PRKG1: variants seen among roughly 807,000 people sequenced by gnomAD.
The protein encoded by PRKG1 is cGMP-dependent protein kinase 1.
In PRKG1, 35 loss-of-function variants were observed where a neutral mutation model predicts 88.1. That is an observed-to-expected ratio of 0.40 (90% CI 0.30 to 0.53). The LOEUF is 0.53. PRKG1 is among the 20% of genes least tolerant of loss of function. PRKG1 has a pLI of 0.59. For missense variants in PRKG1, 540 were observed against 839.8 expected (o/e 0.64, Z 4.41); for synonymous variants, 303 against 292.5 (o/e 1.04, Z -0.37).
rs562197828 is a variant in PRKG1 at position 51,844,680 on chromosome 10, G to C, written c.698+39990G>C. ...TGGTTTACTAACAGCAATAATGAAAGAGCATCAAACTTTGATAAAAATTCT... is the reference window on the plus strand; with the variant it reads ...TGGTTTACTAACAGCAATAATGAAACAGCATCAAACTTTGATAAAAATTCT... On this transcript the variant is annotated intron_variant, in intron 4 of 17. Transcript: ENST00000373980. Among the ~76,000 whole-genome samples the C allele has an allele frequency of 2.6e-5, 4 of 152,268 alleles. No homozygotes were observed. The South Asian group carries it at 8.3e-4, about 32-fold the overall frequency.
chr10:51,565,325 G>A (rs999207907), intron 3 of PRKG1, among the ~76,000 whole-genome samples: 2 of 152,046 alleles, frequency 1.3e-5, no homozygotes, highest in African/African-American at 4.8e-5. Flanking sequence ...GAGCTCTGAT[G>A]AGCATATACC....
intron 2 of PRKG1, among the ~76,000 whole-genome samples, chr10:51,166,405 A>G (rs943013163): frequency 6.6e-6 from 1 of 152,148 alleles, no homozygotes; most frequent in African/African-American, 2.4e-5. Context: ...TTGGTGGTAT[A>G]GCATGTAAAG....
intron 7 of PRKG1, among the ~76,000 whole-genome samples, chr10:52,071,266 A>G (rs1314371105): frequency 2.0e-5 from 3 of 152,104 alleles, no homozygotes; most frequent in Non-Finnish European, 4.4e-5. Context: ...TAGTACCTAA[A>G]AGGTAGATTT....
chr10:52,234,118 G>C (rs1432662916), intron 9 of PRKG1, among the ~76,000 whole-genome samples: 2 of 152,006 alleles, frequency 1.3e-5, no homozygotes, highest in Non-Finnish European at 2.9e-5. Flanking sequence ...CTGTTAGAAG[G>C]AAAACTAACA....
At chr10:51,369,128 TGCCAATAGGA>T (rs2132603782) in intron 2 of PRKG1, among the ~76,000 whole-genome samples, 1 of 152,266 alleles carries the variant, frequency 6.6e-6, no homozygotes, top group Non-Finnish European at 1.5e-5. Flanking sequence ...AATAAATGCC[TGCCAATAGGA>T]GGCGCTCATA....
intron 3 of PRKG1, among the ~76,000 whole-genome samples, chr10:51,735,058 A>G (rs931164286): frequency 3.3e-5 from 5 of 152,200 alleles, no homozygotes; most frequent in African/African-American, 1.2e-4. Context: ...GGTAGGAATT[A>G]TAAAGACAAA....
chr10:51,499,223 T>C (rs56140945), intron 3 of PRKG1, among the ~76,000 whole-genome samples: 2,643 of 152,222 alleles, frequency 0.017, 54 homozygotes, highest in African/African-American at 0.044. Flanking sequence ...TGGTCAAAGA[T>C]ACTTGGCCTT....
intron 1 of PRKG1, among the ~76,000 whole-genome samples, chr10:50,998,925 C>T (rs776379210): frequency 6.6e-5 from 10 of 152,078 alleles, no homozygotes; most frequent in Non-Finnish European, 1.2e-4. Flanking sequence ...TAACAGAGTT[C>T]GTTTTAAAAA....
intron 2 of PRKG1, among the ~76,000 whole-genome samples, chr10:51,239,436 C>A (rs906837443): frequency 4.6e-5 from 7 of 152,092 alleles, no homozygotes; most frequent in Non-Finnish European, 1.0e-4. Flanking sequence ...TATAATGGAG[C>A]CTGTGTAAGG....
chr10:52,083,497 A>G (rs1717225635), intron 7 of PRKG1, among the ~76,000 whole-genome samples: 1 of 152,114 alleles, frequency 6.6e-6, no homozygotes. Flanking sequence ...GGAACATAAT[A>G]TTCTATGCAG....
At chr10:51,886,682 A>G (rs1420165792) in intron 4 of PRKG1, among the ~76,000 whole-genome samples, 5 of 152,214 alleles carry the variant, frequency 3.3e-5, no homozygotes, top group Non-Finnish European at 7.3e-5. Flanking sequence ...ATAATGTCTC[A>G]TAGGTTTAAC....
intron 1 of PRKG1, among the ~76,000 whole-genome samples, chr10:51,054,063 A>G (rs1361825176): frequency 1.3e-5 from 2 of 151,848 alleles, no homozygotes; most frequent in African/African-American, 4.8e-5. Flanking sequence ...TTTTTTTCTA[A>G]TTGGCAATAT....
Position 51,995,417 on chromosome 10 carries a change from C to T in PRKG1, c.763-59067C>T, listed in dbSNP as rs555269507. Among the ~76,000 whole-genome samples, 512 of 152,296 alleles carry T rather than the reference C, an allele frequency of 3.4e-3. 6 individuals are homozygous for T. The highest frequency in any genetic ancestry group is 0.012 in the African/African-American group (488 of 41,566). On this transcript the variant is annotated intron_variant, in intron 5 of 17. Coordinates refer to ENST00000373980, the MANE Select transcript of PRKG1 (RefSeq NM_006258.4). ...CTGGATAATAAAGGTGAGAATTATT[C>T]ATTGTCTAAAACTTTCTCAGTATAC...
Position 51,708,833 on chromosome 10 carries a change from A to C in PRKG1, c.593-95752A>C, listed in dbSNP as rs1462436755. Among the ~76,000 whole-genome samples, 5 of 152,142 alleles carry C rather than the reference A, an allele frequency of 3.3e-5. No homozygotes were observed. The East Asian group carries it at 9.6e-4, about 29-fold the overall frequency. On this transcript the variant is annotated intron_variant, in intron 3 of 17. Transcript: ENST00000373980. ...CAGTTGTTAACCTCCTTTACCTTCC[A>C]GGTCATGGAGAGGTCAGGAGACTGA...
chr10:51,495,218 CT>C (rs1293357651), intron 3 of PRKG1, among the ~76,000 whole-genome samples: 1 of 152,134 alleles, frequency 6.6e-6, no homozygotes, highest in Admixed American at 6.5e-5. Flanking sequence ...CCTCAGCCTC[CT>C]GAGTGGCTGG....
intron 5 of PRKG1, among the ~76,000 whole-genome samples, chr10:52,015,819 A>G (rs1564430595): frequency 6.6e-6 from 1 of 152,110 alleles, no homozygotes; most frequent in Non-Finnish European, 1.5e-5. Context: ...TATCTCTCTC[A>G]AGTTCAAAGT....
chr10:51,613,847 T>A (rs1433891769), intron 3 of PRKG1, among the ~76,000 whole-genome samples: 1 of 152,000 alleles, frequency 6.6e-6, no homozygotes, highest in East Asian at 1.9e-4. Context: ...TCTGAGAAGA[T>A]ACTTGATATG....
At chr10:51,415,597 C>T (rs566841404) in intron 2 of PRKG1, among the ~76,000 whole-genome samples, 15 of 152,176 alleles carry the variant, frequency 9.9e-5, no homozygotes, top group African/African-American at 3.1e-4. Context: ...CTCATACAGG[C>T]AGAAAAGGAT....
chr10:51,361,658 TAC>T (rs2132587954), intron 2 of PRKG1, among the ~76,000 whole-genome samples: 1 of 151,950 alleles, frequency 6.6e-6, no homozygotes, highest in African/African-American at 2.4e-5. Context: ...ATAATGATCA[TAC>T]AGTTACTTCT....
Sources: allele counts gnomAD v4.1 joint callset (sites outside exome capture counted in the v4.1 genomes callset), GRCh38; gene constraint gnomAD v4.1.1; transcripts MANE v1.5; gene names NCBI Gene and HGNC (gene_info 2026-07-23, HGNC 2026-07-21).